Variants in TRMT9B observed in about 807,000 individuals in gnomAD.
TRMT9B encodes tRNA methyltransferase 9B (putative).
TRMT9B carries 16 observed loss-of-function variants against 11.5 expected under a neutral mutation model. The observed-to-expected ratio is 1.39, with a 90% CI of 0.94 to 2.11. TRMT9B has a LOEUF of 2.11. Ranked by LOEUF, TRMT9B falls within the 30% of genes most tolerant of loss-of-function variation. TRMT9B has a pLI of 0.00. For synonymous variants in TRMT9B, 274 were observed against 192.4 expected (o/e 1.42, Z -3.51); for missense variants, 941 against 553.8 (o/e 1.70, Z -7.02).
Position 12,947,987 on chromosome 8 carries a change from G to A in TRMT9B, c.-200+2021G>A, listed in dbSNP as rs566494369. ...TTAAGAGGTGTGTGCCAGACCCAGG[G>A]AGTTGACTAATAAAGAAACTGAGTT... On this transcript the variant is annotated intron_variant, in intron 1 of 4. Coordinates refer to ENST00000524591, the MANE Select transcript of TRMT9B (RefSeq NM_020844.3). Among the ~76,000 whole-genome samples the A allele has an allele frequency of 4.6e-5, 7 of 152,282 alleles. No homozygotes were observed. In the East Asian group the frequency reaches 1.4e-3, roughly 29 times the overall value.
chr8:12,979,998 C>A (rs34428414), intron 1 of TRMT9B, among the ~76,000 whole-genome samples: 7,374 of 152,082 alleles, frequency 0.048, 221 homozygotes, highest in South Asian at 0.095. Flanking sequence ...TTGAATGACC[C>A]GTTTTGCATT....
intron 1 of TRMT9B, among the ~76,000 whole-genome samples, chr8:12,948,178 C>G (rs1417495693): frequency 6.6e-6 from 1 of 152,076 alleles, no homozygotes; most frequent in Non-Finnish European, 1.5e-5. Context: ...TTAAAATGTG[C>G]TCAGAACACT....
chr8:12,999,755 C>G lies in TRMT9B; in HGVS notation c.-1-6447C>G, dbSNP rs182501031. ...TACAGCACATGACATATTTCAAGTG[C>G]TGTGGAATTAGGGAGTGTAGAGGTT... On this transcript the variant is annotated intron_variant, in intron 2 of 4. Transcript: ENST00000524591. 3.4e-3 allele frequency among the ~76,000 whole-genome samples: 511 copies of G among 152,144 alleles called. 5 individuals are homozygous for G. Among genetic ancestry groups the G allele is most frequent in the African/African-American group, 0.011 (472 of 41,502 alleles).
rs534851097 is a variant in TRMT9B at position 12,997,632 on chromosome 8, A to T, written c.-2+6601A>T. Among the ~76,000 whole-genome samples the T allele has an allele frequency of 2.3e-4, 35 of 152,248 alleles. 1 individual carries two copies. The Middle Eastern group carries it at 0.014, about 59-fold the overall frequency. The stretch of plus-strand genomic sequence containing the variant: ...TGAATATACCACAATTTATTTGATC[A>T]TTTTACTGATGATGGTCACATGTGC... On this transcript the variant is annotated intron_variant, in intron 2 of 4. Transcript: ENST00000524591.
rs1218433623 is a variant in TRMT9B at position 13,026,796 on chromosome 8, C to T, written c.*4752C>T. 1 of 167,068 alleles carries T rather than the reference C, an allele frequency of 6.0e-6. No homozygotes were observed. The highest frequency in any genetic ancestry group is 2.4e-5 in the African/African-American group (1 of 41,442). The allele number at this position is 167,068 out of a possible 1,614,324, so 10.3% of individuals were successfully genotyped here. A position where few individuals can be genotyped will look rare whatever the true frequency, so the allele number is the denominator to read the frequency against. On this transcript the variant is annotated 3_prime_UTR_variant, in exon 5 of 5. Coordinates refer to ENST00000524591, the MANE Select transcript of TRMT9B (RefSeq NM_020844.3). ...CTCTTAACCACAACACCATATACTC[C>T]CACCCCTGGGCCCAGCTCATGTGCT...
rs1479513256 is a variant in TRMT9B, at chr8:13,024,733, G to C, written c.*2689G>C. The C allele has an allele frequency of 2.4e-5, 4 of 167,024 alleles. No homozygotes were observed. Among genetic ancestry groups the C allele is most frequent in the Admixed American group, 6.5e-5 (1 of 15,278 alleles). The allele number at this position is 167,024 out of a possible 1,614,324, so 10.3% of individuals were successfully genotyped here. On this transcript the variant is annotated 3_prime_UTR_variant, in exon 5 of 5. Coordinates refer to ENST00000524591, the MANE Select transcript of TRMT9B (RefSeq NM_020844.3). Reference sequence around the variant, plus strand: ...AAATATTTTCATGTACGTTTGACAGGGGTGTAAATAAAGCATGCTGACTAA... The same window carrying C: ...AAATATTTTCATGTACGTTTGACAGCGGTGTAAATAAAGCATGCTGACTAA...
chr8:12,996,904 G>T (rs778848334), intron 2 of TRMT9B, among the ~76,000 whole-genome samples: 2 of 150,682 alleles, frequency 1.3e-5, no homozygotes, highest in Non-Finnish European at 3.0e-5. Flanking sequence ...ACTTCTAATG[G>T]CCCACATTTG....
intron 2 of TRMT9B, among the ~76,000 whole-genome samples, chr8:12,998,322 T>C (rs1808741793): frequency 6.6e-6 from 1 of 152,226 alleles, no homozygotes; most frequent in South Asian, 2.1e-4. Flanking sequence ...GTTCTGTATT[T>C]TCCTCTAAAA....
intron 1 of TRMT9B, among the ~76,000 whole-genome samples, chr8:12,988,838 G>A (rs1292466506): frequency 1.3e-5 from 2 of 152,054 alleles, no homozygotes; most frequent in African/African-American, 2.4e-5. Flanking sequence ...TTGATTCTTG[G>A]TATTAAATAA....
chr8:12,983,976 GTA>G (rs1805842835), intron 1 of TRMT9B, among the ~76,000 whole-genome samples: 1 of 152,160 alleles, frequency 6.6e-6, no homozygotes. Context: ...GTGTGAATAA[GTA>G]TATGAACATG....
rs535681825 is a variant in TRMT9B, at chr8:12,967,249, G to A, written c.-200+21283G>A. Among the ~76,000 whole-genome samples the A allele has an allele frequency of 4.6e-5, 7 of 152,294 alleles. No individual in the cohort carries two copies. The South Asian group carries it at 1.5e-3, about 32-fold the overall frequency. On this transcript the variant is annotated intron_variant, in intron 1 of 4. Transcript: ENST00000524591. ...TGATCAGTTAAGTTAAATACCAGTGGGTTGAACAAAGGCATAGGTAAAAAG... is the reference window on the plus strand; with the variant it reads ...TGATCAGTTAAGTTAAATACCAGTGAGTTGAACAAAGGCATAGGTAAAAAG...
At chr8:13,016,602 A>C (rs1812758029) in intron 4 of TRMT9B, among the ~76,000 whole-genome samples, 1 of 151,722 alleles carries the variant, frequency 6.6e-6, no homozygotes, top group South Asian at 2.1e-4. Context: ...TTATGCCTTC[A>C]TTTTATTGGC....
chr8:13,012,458 C>G, intron 3 of TRMT9B: 1 of 505,474 alleles, frequency 2.0e-6, no homozygotes, highest in South Asian at 3.9e-5. Flanking sequence ...GCCTATGATC[C>G]CACCTACTCG....
chr8:12,948,713 C>G (rs150599368), intron 1 of TRMT9B, among the ~76,000 whole-genome samples: 3 of 152,050 alleles, frequency 2.0e-5, no homozygotes, highest in African/African-American at 2.4e-5. Context: ...GTAATCCCAG[C>G]ACTTTGGGAG....
chr8:12,990,002 G>A (rs935118968), intron 1 of TRMT9B, among the ~76,000 whole-genome samples: 1 of 152,186 alleles, frequency 6.6e-6, no homozygotes, highest in African/African-American at 2.4e-5. Context: ...GCCAGGACTA[G>A]GGTTGGGCTG....
chr8:13,000,223 C>A (rs1809160979), intron 2 of TRMT9B, among the ~76,000 whole-genome samples: 2 of 152,142 alleles, frequency 1.3e-5, no homozygotes, highest in Admixed American at 6.6e-5. Flanking sequence ...GACGTTTATG[C>A]CATAGCAAGT....
chr8:12,968,866 G>T (rs572564591), intron 1 of TRMT9B, among the ~76,000 whole-genome samples: 1 of 152,316 alleles, frequency 6.6e-6, no homozygotes, highest in East Asian at 1.9e-4. Context: ...CAACAGATTT[G>T]CAGGACTTCG....
chr8:13,018,112 A>AT (rs1266155346), intron 4 of TRMT9B, among the ~76,000 whole-genome samples: 1 of 151,120 alleles, frequency 6.6e-6, no homozygotes, highest in Admixed American at 6.6e-5. Flanking sequence ...AAAAAAAAAA[A>AT]AAAACTTGGC....
chr8:12,954,575 G>A (rs1801056371), intron 1 of TRMT9B, among the ~76,000 whole-genome samples: 1 of 152,196 alleles, frequency 6.6e-6, no homozygotes, highest in African/African-American at 2.4e-5. Context: ...GCGCTTGTCT[G>A]TGCAATCTTA....
Sources: gnomAD v4.1 joint callset for allele counts (sites outside exome capture counted in the v4.1 genomes callset) on GRCh38, gnomAD v4.1.1 for gene constraint, MANE v1.5 for transcripts, NCBI Gene and HGNC (gene_info 2026-07-23, HGNC 2026-07-21) for gene names.